The following BCR variants were observed in gnomAD, a reference collection of about 807,000 sequenced individuals.
BCR encodes the protein breakpoint cluster region protein.
In BCR, 58 loss-of-function variants were observed where a neutral mutation model predicts 138.6. That is an observed-to-expected ratio of 0.42 (90% CI 0.34 to 0.52). The LOEUF (loss-of-function observed/expected upper bound fraction) is 0.52, where lower values mean the gene tolerates loss of function less well. Ranked by LOEUF, BCR falls within the 20% of genes least tolerant of loss-of-function variation. The pLI is 0.06. For missense variants in BCR, 1,599 were observed against 1,727.2 expected (o/e 0.93, Z 1.32); for synonymous variants, 786 against 730.1 (o/e 1.08, Z -1.23).
chr22:23,268,931 G>A (rs968108037), intron 5 of BCR, among the ~76,000 whole-genome samples: 4 of 152,222 alleles, frequency 2.6e-5, no homozygotes, highest in South Asian at 4.1e-4. Flanking sequence ...AGAGCATTGA[G>A]GAAGCATTGA....
At chr22:23,261,320 C>T (rs2073353471) in intron 3 of BCR, 35 bp from the exon 4 acceptor site, 2 of 1,593,568 alleles carry the variant, frequency 1.3e-6, no homozygotes, top group African/African-American at 2.7e-5. Context: ...GGCAGCCCCT[C>T]TCACCTGTGC....
At chr22:23,280,751 T>A (rs2073634326) in intron 8 of BCR, among the ~76,000 whole-genome samples, 1 of 152,180 alleles carries the variant, frequency 6.6e-6, no homozygotes, top group Admixed American at 6.5e-5. Flanking sequence ...TTTTAGTTAT[T>A]CAAGAAGACA....
chr22:23,309,116 G>A (rs2267028), intron 16 of BCR, among the ~76,000 whole-genome samples: 32,404 of 151,972 alleles, frequency 0.21, 4,105 homozygotes, highest in East Asian at 0.52. Context: ...CATAGCACCC[G>A]TGGTGATGGA....
intron 1 of BCR, among the ~76,000 whole-genome samples, chr22:23,185,790 G>GCGATCT: frequency 6.6e-6 from 1 of 150,898 alleles, no homozygotes; most frequent in East Asian, 2.0e-4. Flanking sequence ...GTGCAGCCCA[G>GCGATCT]CGATCTCGGC....
At position 23,279,581 on chromosome 22, in the gene BCR, G is replaced by GC. The variant is rs1033581619; in HGVS notation, c.2116-4389dup. Among the ~76,000 whole-genome samples the GC allele has an allele frequency of 3.0e-4, 46 of 152,094 alleles. 1 individual carries two copies. The highest frequency in any genetic ancestry group is 9.9e-4 in the African/African-American group (41 of 41,400). The stretch of plus-strand genomic sequence containing the variant: ...GCTGAGGCCACTGGCTGCCTCCAGG[G>GC]CCCCCCCACCAGCCAGCAGCTGGAA... On this transcript the variant is annotated intron_variant, in intron 8 of 22. Coordinates refer to ENST00000305877, the MANE Select transcript of BCR (RefSeq NM_004327.4).
intron 1 of BCR, among the ~76,000 whole-genome samples, chr22:23,182,532 A>T (rs2072284195): frequency 1.3e-5 from 2 of 152,178 alleles, no homozygotes; most frequent in South Asian, 4.1e-4. Flanking sequence ...ACAGCTTGTG[A>T]GTTGAAGGAA....
intron 4 of BCR, chr22:23,263,423 C>T: frequency 7.6e-7 from 1 of 1,315,638 alleles, no homozygotes; most frequent in South Asian, 1.2e-5. Flanking sequence ...TGTCTCAGAA[C>T]TGGATAGTGG....
intron 16 of BCR, among the ~76,000 whole-genome samples, chr22:23,296,750 T>A (rs1279344334): frequency 6.6e-6 from 1 of 152,232 alleles, no homozygotes; most frequent in Non-Finnish European, 1.5e-5. Flanking sequence ...AAGACCAGCC[T>A]GGGCAACATA....
chr22:23,184,447 C>T (rs1321468922), intron 1 of BCR, among the ~76,000 whole-genome samples: 1 of 152,088 alleles, frequency 6.6e-6, no homozygotes, highest in Non-Finnish European at 1.5e-5. Context: ...GGATTATTTT[C>T]CCTCAGACAG....
At chr22:23,203,803 G>A (rs562298520) in intron 1 of BCR, among the ~76,000 whole-genome samples, 6 of 152,338 alleles carry the variant, frequency 3.9e-5, no homozygotes, top group East Asian at 1.9e-4. Context: ...TCTGTGCATC[G>A]TGAGTTAGGT....
At chr22:23,222,588 G>A (rs934955806) in intron 1 of BCR, among the ~76,000 whole-genome samples, 1 of 152,168 alleles carries the variant, frequency 6.6e-6, no homozygotes, top group Non-Finnish European at 1.5e-5. Context: ...AGGGCGAAGG[G>A]TAGAAGGAGA....
At chr22:23,187,977 A>C (rs903146735) in intron 1 of BCR, among the ~76,000 whole-genome samples, 1 of 152,228 alleles carries the variant, frequency 6.6e-6, no homozygotes, top group Non-Finnish European at 1.5e-5. Flanking sequence ...AGTTGGCGCC[A>C]GAGTGACCAC....
rs1457517587 is a variant in BCR at position 23,287,252 on chromosome 22, T to A, written c.2500T>A (p.Phe834Ile). The A allele has an allele frequency of 6.4e-7, 1 of 1,555,878 alleles. No homozygotes were observed. Among genetic ancestry groups the A allele is most frequent in the South Asian group, 1.2e-5 (1 of 84,266 alleles). Residue 834 changes from phenylalanine (F) to isoleucine (I), a missense_variant, in exon 11 of 23, where the codon TTC (phenylalanine) becomes ATC (isoleucine). Transcript: ENST00000305877. Reference sequence around the variant, plus strand: ...GCTGCTTATGTCTCCCAGCATGGCCTTCAGGGTGCACAGCCGCAACGGCAA... The same window carrying A: ...GCTGCTTATGTCTCCCAGCATGGCCATCAGGGTGCACAGCCGCAACGGCAA... ...LLLLMSPSMA[F>I]RVHSRNGKSY...
intron 1 of BCR, among the ~76,000 whole-genome samples, chr22:23,183,631 T>TG (rs1344379780): frequency 7.2e-5 from 11 of 152,198 alleles, no homozygotes; most frequent in African/African-American, 2.7e-4. Context: ...GATTGCCTTG[T>TG]GGTTACTGGG....
intron 1 of BCR, among the ~76,000 whole-genome samples, chr22:23,237,440 G>T (rs2073039668): frequency 1.3e-5 from 2 of 152,214 alleles, no homozygotes; most frequent in African/African-American, 4.8e-5. Flanking sequence ...ATGACAGCTG[G>T]GATTATCACC....
At chr22:23,201,927 G>T (rs1016988627) in intron 1 of BCR, among the ~76,000 whole-genome samples, 2 of 152,152 alleles carry the variant, frequency 1.3e-5, no homozygotes, top group African/African-American at 4.8e-5. Context: ...TATGAGGAAG[G>T]TTTAATTTTC....
intron 8 of BCR, among the ~76,000 whole-genome samples, chr22:23,278,319 C>G (rs1441126823): frequency 6.6e-6 from 1 of 152,174 alleles, no homozygotes; most frequent in Non-Finnish European, 1.5e-5. Context: ...GCAGTCCAAA[C>G]AGGAGCTGCA....
At chr22:23,296,982 T>C (rs2073851633) in intron 16 of BCR, among the ~76,000 whole-genome samples, 1 of 152,168 alleles carries the variant, frequency 6.6e-6, no homozygotes. Context: ...GGTCATAGTT[T>C]GGGTGATGGT....
chr22:23,295,250 A>C (rs2073832851), intron 16 of BCR, 95 bp downstream of exon 16: 12 of 497,334 alleles, frequency 2.4e-5, no homozygotes, highest in African/African-American at 8.0e-5. Context: ...CCTTGCACCC[A>C]GGGTGGGGTG....
Sources: gnomAD v4.1 joint callset for allele counts (sites outside exome capture counted in the v4.1 genomes callset) on GRCh38, gnomAD v4.1.1 for gene constraint, MANE v1.5 for transcripts, NCBI Gene and HGNC (gene_info 2026-07-23, HGNC 2026-07-21) for gene names.